Variants in ULK4 observed in about 807,000 individuals in gnomAD.
ULK4 encodes the protein inactive serine/threonine-protein kinase ULK4.
Under a neutral mutation model 160.6 loss-of-function variants are expected in ULK4, and 133 were observed. The observed-to-expected ratio is 0.83, with a 90% CI of 0.72 to 0.96. The LOEUF (loss-of-function observed/expected upper bound fraction) is 0.96. Ranked by LOEUF, ULK4 falls within the 40% of genes least tolerant of loss-of-function variation. ULK4 has a pLI of 0.00. For missense variants in ULK4, 1,580 were observed against 1,499.5 expected (o/e 1.05, Z -0.89); for synonymous variants, 534 against 539.8 (o/e 0.99, Z 0.15).
chr3:41,808,481 C>T (rs1372976130), intron 19 of ULK4, among the ~76,000 whole-genome samples: 2 of 152,334 alleles, frequency 1.3e-5, no homozygotes, highest in South Asian at 2.1e-4. Context: ...CTTCAATCCC[C>T]TGTGGGATAC....
At chr3:41,950,277 G>A (rs1700246542) in intron 2 of ULK4, among the ~76,000 whole-genome samples, 1 of 152,012 alleles carries the variant, frequency 6.6e-6, no homozygotes, top group Non-Finnish European at 1.5e-5. Flanking sequence ...GTCTCGCCTT[G>A]TTGCCCAGGC....
intron 16 of ULK4, among the ~76,000 whole-genome samples, chr3:41,891,651 A>G (rs2148781240): frequency 6.6e-6 from 1 of 152,352 alleles, no homozygotes; most frequent in East Asian, 1.9e-4. Flanking sequence ...TCATGCCTAT[A>G]ATCCCAGCAC....
At chr3:41,410,876 G>A (rs779372889) in intron 34 of ULK4, among the ~76,000 whole-genome samples, 1 of 152,112 alleles carries the variant, frequency 6.6e-6, no homozygotes, top group African/African-American at 2.4e-5. Flanking sequence ...TTGTCTCTAC[G>A]TGGCTGTCTT....
Position 41,883,901 on chromosome 3 carries a change from C to T in ULK4, c.1629G>A (p.Glu543=), listed in dbSNP as rs1366809674. 3 of 1,609,930 alleles carry T rather than the reference C, an allele frequency of 1.9e-6. No individual in the cohort carries two copies. The highest frequency in any genetic ancestry group is 1.7e-6 in the Non-Finnish European group (2 of 1,176,210). The stretch of plus-strand genomic sequence containing the variant: ...CAACAACAGGTGTATTTTCCTGGAG[C>T]TCAGCTGTGTGCGAAGCCAGTAAAC... The part of the protein sequence containing the change: ...VIGLLASHTA[E]LQENTPVVEA... Residue 543 remains glutamate, a synonymous_variant, in exon 17 of 37, where the codon GAG becomes GAA. Coordinates refer to ENST00000301831, the MANE Select transcript of ULK4 (RefSeq NM_017886.4).
rs536880594 is a variant in ULK4 at position 41,813,804 on chromosome 3, G to A, written c.1848+5619C>T. On this transcript the variant is annotated intron_variant, in intron 19 of 36. Coordinates refer to ENST00000301831, the MANE Select transcript of ULK4 (RefSeq NM_017886.4). ...TCCCCTTGCCTTTCATGCAGTGAAG[G>A]TGGGCAACGTGTGTGGAACAGAAAC... Among the ~76,000 whole-genome samples the A allele has an allele frequency of 9.3e-4, 141 of 152,292 alleles. 1 individual carries two copies. Among genetic ancestry groups the A allele is most frequent in the African/African-American group, 2.9e-3 (120 of 41,564 alleles).
chr3:41,877,643 GAAGA>G (rs1490381502), intron 17 of ULK4, among the ~76,000 whole-genome samples: 1 of 151,986 alleles, frequency 6.6e-6, no homozygotes, highest in African/African-American at 2.4e-5. Flanking sequence ...TAGCTTATGA[GAAGA>G]AAAATAAAAA....
chr3:41,858,541 G>GGA (rs1263927677), intron 17 of ULK4, among the ~76,000 whole-genome samples: 2 of 143,002 alleles, frequency 1.4e-5, no homozygotes, highest in African/African-American at 5.2e-5. Flanking sequence ...AAACCAGGCT[G>GGA]GAGTGCAGTG....
chr3:41,447,400 C>A (rs938572644), intron 34 of ULK4, among the ~76,000 whole-genome samples: 1 of 152,120 alleles, frequency 6.6e-6, no homozygotes, highest in Non-Finnish European at 1.5e-5. Flanking sequence ...TATCCCGCCA[C>A]ATAAATGCAT....
intron 19 of ULK4, among the ~76,000 whole-genome samples, chr3:41,814,128 G>T (rs1043571620): frequency 6.6e-6 from 1 of 152,150 alleles, no homozygotes; most frequent in African/African-American, 2.4e-5. Context: ...CGCAGGGGAG[G>T]CTCCAAAGTT....
chr3:41,629,429 CA>C (rs1327248057), intron 30 of ULK4, among the ~76,000 whole-genome samples: 1 of 152,216 alleles, frequency 6.6e-6, no homozygotes, highest in Admixed American at 6.5e-5. Flanking sequence ...AGGAAGCATC[CA>C]AGGAGTAGGC....
chr3:41,699,970 A>G (rs1465726320), intron 27 of ULK4, among the ~76,000 whole-genome samples: 1 of 152,208 alleles, frequency 6.6e-6, no homozygotes, highest in African/African-American at 2.4e-5. Context: ...CTGGATCTTA[A>G]CAAATTAACC....
At chr3:41,662,443 C>T (rs763011298) in intron 30 of ULK4, among the ~76,000 whole-genome samples, 1 of 152,204 alleles carries the variant, frequency 6.6e-6, no homozygotes, top group Admixed American at 6.5e-5. Flanking sequence ...ACCAGTGACT[C>T]AGTCACGGCA....
intron 1 of ULK4, among the ~76,000 whole-genome samples, chr3:41,955,082 G>A (rs1247213961): frequency 2.0e-5 from 3 of 152,210 alleles, no homozygotes; most frequent in Non-Finnish European, 4.4e-5. Context: ...CCTGAGGTCA[G>A]GAGTTTGAGA....
intron 31 of ULK4, among the ~76,000 whole-genome samples, chr3:41,584,514 T>A (rs2030641163): frequency 6.6e-6 from 1 of 152,054 alleles, no homozygotes. Context: ...CTTCAACCCC[T>A]GGGCTGAAGT....
chr3:41,408,323 G>A (rs1020315757), intron 34 of ULK4, among the ~76,000 whole-genome samples: 4 of 150,124 alleles, frequency 2.7e-5, no homozygotes, highest in African/African-American at 9.8e-5. Context: ...AGCTACTGGG[G>A]AGGCTGCAGC....
chr3:41,487,453 C>T (rs2084579790), intron 32 of ULK4, among the ~76,000 whole-genome samples: 1 of 151,884 alleles, frequency 6.6e-6, no homozygotes, highest in South Asian at 2.1e-4. Context: ...AAATATATTC[C>T]AATACTACAA....
chr3:41,715,213 C>G (rs368507690), intron 25 of ULK4, 24 bp downstream of exon 25: 1 of 1,604,808 alleles, frequency 6.2e-7, no homozygotes, highest in Non-Finnish European at 8.5e-7. Context: ...TTATTAGAAA[C>G]AAGGAAAATT....
intron 32 of ULK4, among the ~76,000 whole-genome samples, chr3:41,542,944 G>A (rs926443027): frequency 6.6e-6 from 1 of 151,968 alleles, no homozygotes; most frequent in African/African-American, 2.4e-5. Flanking sequence ...AATCTTCTAT[G>A]GACAGGAATC....
rs987238103 is a variant in ULK4 at position 41,844,480 on chromosome 3, T to C, written c.1657-8509A>G. 9.9e-5 allele frequency among the ~76,000 whole-genome samples: 15 copies of C among 152,250 alleles called. No homozygotes were observed. The East Asian group carries it at 2.9e-3, about 29-fold the overall frequency. ...CTGAGTGCAGGGCGCGCCAAGCCCATGCCCACCCAGAACTCCAGCTGGCCC... is the reference window on the plus strand; with the variant it reads ...CTGAGTGCAGGGCGCGCCAAGCCCACGCCCACCCAGAACTCCAGCTGGCCC... On this transcript the variant is annotated intron_variant, in intron 17 of 36. Transcript: ENST00000301831.
Sources: gnomAD v4.1 joint callset for allele counts (sites outside exome capture counted in the v4.1 genomes callset) on GRCh38, gnomAD v4.1.1 for gene constraint, MANE v1.5 for transcripts, NCBI Gene and HGNC (gene_info 2026-07-23, HGNC 2026-07-21) for gene names.